Variants in AGMO observed in about 807,000 individuals in gnomAD.
AGMO encodes alkylglycerol monooxygenase.
A neutral mutation model predicts 60.2 loss-of-function variants in AGMO; 75 were observed. The ratio of observed to expected loss-of-function variants is 1.25; its 90% CI spans 1.03 to 1.51. AGMO has a LOEUF of 1.51. Among genes scored for constraint, AGMO ranks in the 40% most tolerant of loss-of-function variants. The pLI is 0.00. For synonymous variants in AGMO, 261 were observed against 177.1 expected, an observed-to-expected ratio of 1.47 and a Z score of -3.76; for missense variants, 763 against 525.5, an observed-to-expected ratio of 1.45 and a Z score of -4.42.
chr7:15,158,845 C>A, the AGMO span, among the ~76,000 whole-genome samples: 1 of 151,310 alleles, frequency 6.6e-6, no homozygotes, highest in South Asian at 2.1e-4. Flanking sequence ...GTGTACTCCT[C>A]AAAAAAAATA....
At chr7:15,354,397 CGTGT>C (rs1207924642) in intron 12 of AGMO, among the ~76,000 whole-genome samples, 5 of 25,098 alleles carry the variant, frequency 2.0e-4, no homozygotes, top group African/African-American at 1.4e-3. Context: ...TGTGTATACA[CGTGT>C]GTGTACACAC....
At chr7:15,384,492 C>T (rs1257630179) in intron 10 of AGMO, among the ~76,000 whole-genome samples, 1 of 151,964 alleles carries the variant, frequency 6.6e-6, no homozygotes, top group African/African-American at 2.4e-5. Context: ...TATATTTTAT[C>T]CATCAATTTT....
chr7:15,244,409 C>A (rs1184829626), intron 12 of AGMO, among the ~76,000 whole-genome samples: 3 of 152,062 alleles, frequency 2.0e-5, no homozygotes, highest in Non-Finnish European at 1.5e-5. Flanking sequence ...TATCTCACGT[C>A]TGACTTTGTA....
intron 8 of AGMO, 65 bp downstream of exon 8, chr7:15,390,606 T>A (rs1206153488): frequency 1.5e-6 from 2 of 1,292,996 alleles, no homozygotes; most frequent in Non-Finnish European, 2.1e-6. Context: ...CAGCTGATTT[T>A]TCTCTTAACT....
intron 10 of AGMO, among the ~76,000 whole-genome samples, chr7:15,366,836 A>G (rs968363821): frequency 6.6e-6 from 1 of 152,038 alleles, no homozygotes; most frequent in Non-Finnish European, 1.5e-5. Flanking sequence ...ACTTACTGAT[A>G]TATTGGACTT....
intron 3 of AGMO, among the ~76,000 whole-genome samples, chr7:15,480,797 C>T (rs1027041053): frequency 2.6e-5 from 4 of 151,952 alleles, no homozygotes; most frequent in African/African-American, 9.7e-5. Context: ...AGGAAAGTGA[C>T]AATGATTGGT....
At position 15,500,461 on chromosome 7, in the gene AGMO, T is replaced by G. The variant is rs368498540; in HGVS notation, c.409+44311A>C. Among the ~76,000 whole-genome samples, 45 of 152,050 alleles carry G rather than the reference T, an allele frequency of 3.0e-4. No individual in the cohort carries two copies. The East Asian group carries it at 5.6e-3, about 19-fold the overall frequency. On this transcript the variant is annotated intron_variant, in intron 3 of 12. Coordinates refer to ENST00000342526, the MANE Select transcript of AGMO (RefSeq NM_001004320.2). ...AGGAAAACCCTACAGTATTTATTTT[T>G]ATTTGAAAATAAGAGTATCGATTCA...
chr7:15,230,063 AT>A (rs1248759182), intron 12 of AGMO, among the ~76,000 whole-genome samples: 4 of 151,998 alleles, frequency 2.6e-5, no homozygotes, highest in African/African-American at 9.7e-5. Context: ...ATGTCTACAC[AT>A]AGGCACATAC....
chr7:15,300,391 T>C (rs1453423046), intron 12 of AGMO, among the ~76,000 whole-genome samples: 2 of 152,202 alleles, frequency 1.3e-5, no homozygotes, highest in East Asian at 3.8e-4. Context: ...AAGCATATTC[T>C]TAGGCATAGC....
intron 12 of AGMO, among the ~76,000 whole-genome samples, chr7:15,293,272 T>A (rs1784324093): frequency 1.3e-5 from 2 of 152,048 alleles, no homozygotes; most frequent in African/African-American, 4.8e-5. Context: ...CAGGGCAGGA[T>A]TTACCTACCC....
chr7:15,285,003 A>C (rs1784063398), intron 12 of AGMO, among the ~76,000 whole-genome samples: 1 of 152,138 alleles, frequency 6.6e-6, no homozygotes, highest in South Asian at 2.1e-4. Flanking sequence ...ACAGATGCAG[A>C]TAAGGCATTT....
At chr7:15,169,299 A>G in the AGMO span, among the ~76,000 whole-genome samples, 1 of 152,192 alleles carries the variant, frequency 6.6e-6, no homozygotes, top group Non-Finnish European at 1.5e-5. Flanking sequence ...CACAGACAAT[A>G]TGCAAACAAA....
intron 3 of AGMO, among the ~76,000 whole-genome samples, chr7:15,491,408 C>A (rs914319792): frequency 6.6e-6 from 1 of 152,070 alleles, no homozygotes; most frequent in African/African-American, 2.4e-5. Flanking sequence ...ATTCTAGTTG[C>A]CCTCCATTAG....
At chr7:15,274,309 T>A (rs1783712961) in intron 12 of AGMO, among the ~76,000 whole-genome samples, 2 of 152,218 alleles carry the variant, frequency 1.3e-5, no homozygotes, top group South Asian at 4.1e-4. Context: ...CCTAATTTAT[T>A]GAGAGTTTTT....
chr7:15,427,174 T>C (rs1781089158), intron 4 of AGMO, among the ~76,000 whole-genome samples: 1 of 152,214 alleles, frequency 6.6e-6, no homozygotes, highest in African/African-American at 2.4e-5. Context: ...GGAAACAATG[T>C]CTACTGTTGA....
intron 12 of AGMO, among the ~76,000 whole-genome samples, chr7:15,272,702 G>C (rs1039508459): frequency 3.9e-5 from 6 of 152,086 alleles, no homozygotes; most frequent in African/African-American, 1.4e-4. Context: ...GAGGAATCGC[G>C]ACACTGTCTT....
At chr7:15,376,014 T>C (rs559109044) in intron 10 of AGMO, among the ~76,000 whole-genome samples, 1 of 152,250 alleles carries the variant, frequency 6.6e-6, no homozygotes, top group South Asian at 2.1e-4. Flanking sequence ...TATTTAAATG[T>C]AGTGGACAAA....
At chr7:15,301,503 G>T (rs1784558727) in intron 12 of AGMO, among the ~76,000 whole-genome samples, 2 of 150,888 alleles carry the variant, frequency 1.3e-5, no homozygotes, top group Middle Eastern at 3.4e-3. Context: ...CTGTTTGCTT[G>T]TTTTTTTTTA....
rs578227655 is a variant in AGMO at position 15,516,882 on chromosome 7, C to T, written c.409+27890G>A. 8.6e-5 allele frequency among the ~76,000 whole-genome samples: 13 copies of T among 151,706 alleles called. No individual in the cohort carries two copies. The South Asian group carries it at 2.7e-3, about 32-fold the overall frequency. Reference sequence around the variant, plus strand: ...GAGAGCAGGATGGGAGGATGAGGGGCAAGGGCTTCATTAACATTTGCTTGT... The same window carrying T: ...GAGAGCAGGATGGGAGGATGAGGGGTAAGGGCTTCATTAACATTTGCTTGT... On this transcript the variant is annotated intron_variant, in intron 3 of 12. Coordinates refer to ENST00000342526, the MANE Select transcript of AGMO (RefSeq NM_001004320.2).
Sources: allele counts gnomAD v4.1 joint callset (sites outside exome capture counted in the v4.1 genomes callset), GRCh38; gene constraint gnomAD v4.1.1; transcripts MANE v1.5; gene names NCBI Gene and HGNC (gene_info 2026-07-23, HGNC 2026-07-21).